GLG1: variants seen among roughly 807,000 people sequenced by gnomAD.
GLG1 encodes golgi glycoprotein 1, also known as Golgi apparatus protein 1.
Under a neutral mutation model 160.5 loss-of-function variants are expected in GLG1, and 38 were observed. That is an observed-to-expected ratio of 0.24 (90% CI 0.18 to 0.31). The LOEUF is 0.31. Among genes scored for constraint, GLG1 ranks in the 10% least tolerant of loss-of-function variants. The pLI, the probability that GLG1 is intolerant of heterozygous loss-of-function variation, is 1.00. For missense variants in GLG1, 1,373 were observed against 1,505.2 expected, an observed-to-expected ratio of 0.91 and a Z score of 1.45; for synonymous variants, 644 against 543.4, an observed-to-expected ratio of 1.19 and a Z score of -2.57.
At chr16:74,573,732 C>A (rs1484567258) in intron 1 of GLG1, among the ~76,000 whole-genome samples, 1 of 151,582 alleles carries the variant, frequency 6.6e-6, no homozygotes, top group African/African-American at 2.4e-5. Context: ...AAGTGATTTT[C>A]CCACCCTGGC....
Position 74,449,716 on chromosome 16 carries a change from C to A in GLG1, c.*3451G>T, listed in dbSNP as rs1006844505. On this transcript the variant is annotated 3_prime_UTR_variant, in exon 26 of 26. Transcript: ENST00000422840. ...CACTCAACATTAGCTCACTGGTCAC[C>A]CTAGAATTCTCCTAGCTTTGAAGGA... 1.3e-5 allele frequency: 2 copies of A among 152,226 alleles called. No homozygotes were observed. The highest frequency in any genetic ancestry group is 4.8e-5 in the African/African-American group (2 of 41,426). 9.4% of individuals were successfully genotyped at this position (152,226 alleles called of 1,614,324 possible).
At chr16:74,463,705 C>T (rs188428911) in intron 19 of GLG1, among the ~76,000 whole-genome samples, 2 of 149,208 alleles carry the variant, frequency 1.3e-5, no homozygotes, top group Admixed American at 6.8e-5. Context: ...GCGTGCGTCA[C>T]CACGCCCAGC....
intron 22 of GLG1, among the ~76,000 whole-genome samples, chr16:74,460,657 T>C (rs1394258828): frequency 6.6e-6 from 1 of 152,164 alleles, no homozygotes; most frequent in Non-Finnish European, 1.5e-5. Flanking sequence ...TCACAAACAG[T>C]TTCCTGGGGG....
intron 2 of GLG1, among the ~76,000 whole-genome samples, chr16:74,517,194 C>G (rs1203307103): frequency 3.9e-5 from 6 of 152,200 alleles, no homozygotes; most frequent in African/African-American, 1.4e-4. Context: ...TCCTCCCTAA[C>G]TCATTTTATG....
chr16:74,564,673 CA>C (rs374774141), intron 1 of GLG1, among the ~76,000 whole-genome samples: 103 of 152,236 alleles, frequency 6.8e-4, no homozygotes, highest in African/African-American at 2.4e-3. Context: ...AGAACCTGAC[CA>C]AAAAGGCGAA....
At chr16:74,563,247 A>C (rs982199076) in intron 1 of GLG1, 1 of 152,226 alleles carries the variant, frequency 6.6e-6, no homozygotes, top group Admixed American at 6.5e-5. Flanking sequence ...TGGATGAAAG[A>C]TGACAGTCCA....
chr16:74,602,467 C>A (rs1958460525), intron 1 of GLG1, among the ~76,000 whole-genome samples: 1 of 152,188 alleles, frequency 6.6e-6, no homozygotes, highest in African/African-American at 2.4e-5. Context: ...AATATGCCAG[C>A]CTCCCAACCC....
In GLG1 at chr16:74,462,587, G is replaced by C. The variant is rs1299315204; in HGVS notation, c.2835C>G (p.Asp945Glu). ...GGATACCGTGACAGAATTTAGGAAT[G>C]TCAGCTTTACAGGCTTTTCTTAACA... ...NPMLRKACKA[D>E]IPKFCHGILT... Residue 945 changes from aspartate to glutamate, a missense_variant, in exon 21 of 26, where the codon GAC (aspartate) becomes GAG (glutamate). This residue lies in a region of GLG1 where 491 missense variants were observed against 632.1 expected (regional missense o/e 0.78). Transcript: ENST00000422840. The C allele has an allele frequency of 6.2e-7, 1 of 1,613,880 alleles. No homozygotes were observed.
chr16:74,504,031 C>T (rs769895448), intron 3 of GLG1, among the ~76,000 whole-genome samples: 1 of 152,174 alleles, frequency 6.6e-6, no homozygotes, highest in Non-Finnish European at 1.5e-5. Context: ...AGGTAATGCT[C>T]ACTTCTAAAT....
chr16:74,475,507 A>C (rs1252816680), intron 12 of GLG1, among the ~76,000 whole-genome samples: 1 of 152,200 alleles, frequency 6.6e-6, no homozygotes, highest in East Asian at 1.9e-4. Context: ...TCTGAAGAAA[A>C]ACAAGTGAAC....
At chr16:74,477,088 A>G (rs1208853920) in intron 12 of GLG1, among the ~76,000 whole-genome samples, 1 of 152,252 alleles carries the variant, frequency 6.6e-6, no homozygotes, top group Non-Finnish European at 1.5e-5. Context: ...GAAATCTTAT[A>G]TACCTGTAAG....
intron 1 of GLG1, among the ~76,000 whole-genome samples, chr16:74,543,435 G>C (rs756507369): frequency 7.9e-5 from 12 of 152,178 alleles, no homozygotes; most frequent in Non-Finnish European, 1.6e-4. Flanking sequence ...CCTGTGAATA[G>C]CTACTGCACT....
At chr16:74,480,838 C>A (rs1440998396) in intron 10 of GLG1, among the ~76,000 whole-genome samples, 1 of 152,194 alleles carries the variant, frequency 6.6e-6, no homozygotes, top group Non-Finnish European at 1.5e-5. Flanking sequence ...AGGCATAAGG[C>A]ACTGCACCCA....
At chr16:74,554,399 T>A (rs1204428400) in intron 1 of GLG1, among the ~76,000 whole-genome samples, 1 of 152,088 alleles carries the variant, frequency 6.6e-6, no homozygotes, top group Non-Finnish European at 1.5e-5. Context: ...CTAGGCGCGG[T>A]GGTGGGCGCC....
chr16:74,475,261 C>G (rs919887531), intron 12 of GLG1, among the ~76,000 whole-genome samples: 1 of 151,656 alleles, frequency 6.6e-6, no homozygotes, highest in Non-Finnish European at 1.5e-5. Flanking sequence ...AGTCTAAAAA[C>G]CTTATCAGGC....
chr16:74,521,293 G>C (rs2017155523), intron 2 of GLG1, among the ~76,000 whole-genome samples: 1 of 152,078 alleles, frequency 6.6e-6, no homozygotes, highest in South Asian at 2.1e-4. Flanking sequence ...AAAAGTTTTA[G>C]GGGTTTTTGG....
intron 1 of GLG1, among the ~76,000 whole-genome samples, chr16:74,582,416 T>G (rs1360765000): frequency 6.6e-6 from 1 of 152,096 alleles, no homozygotes; most frequent in Non-Finnish European, 1.5e-5. Context: ...TCTGCCTGCC[T>G]CAACATCCCA....
At chr16:74,487,007 G>A (rs1254384959) in intron 8 of GLG1, among the ~76,000 whole-genome samples, 1 of 149,604 alleles carries the variant, frequency 6.7e-6, no homozygotes, top group South Asian at 2.1e-4. Flanking sequence ...TCCACTTCCC[G>A]GGTTCAAGTG....
intron 4 of GLG1, 69 bp from the exon 5 acceptor site, chr16:74,496,713 T>TACACACACACAC (rs34221253): frequency 3.1e-5 from 19 of 617,570 alleles, no homozygotes; most frequent in South Asian, 9.7e-5. Context: ...AACATTTGGC[T>TACACACACACAC]ACACACACAC....
Sources: gnomAD v4.1 joint callset for allele counts (sites outside exome capture counted in the v4.1 genomes callset) on GRCh38, gnomAD v4.1.1 for gene constraint, gnomAD v4.1.1 regional missense constraint, MANE v1.5 for transcripts, NCBI Gene and HGNC (gene_info 2026-07-23, HGNC 2026-07-21) for gene names.